GPC5: variants seen among roughly 807,000 people sequenced by gnomAD.
The protein encoded by GPC5 is glypican 5, also known as glypican-5.
A neutral mutation model predicts 53.9 loss-of-function variants in GPC5; 47 were observed. The observed-to-expected ratio is 0.87, with a 90% CI of 0.69 to 1.11. The LOEUF is 1.11. Ranked by LOEUF, GPC5 falls within the 50% of genes most tolerant of loss-of-function variation. The pLI, the probability that GPC5 is intolerant of heterozygous loss-of-function variation, is 0.00. For synonymous variants in GPC5, 286 were observed against 263.3 expected (o/e 1.09, Z -0.84); for missense variants, 748 against 713.1 (o/e 1.05, Z -0.56).
At chr13:92,601,841 G>A (rs1008166265) in intron 7 of GPC5, among the ~76,000 whole-genome samples, 17 of 151,716 alleles carry the variant, frequency 1.1e-4, no homozygotes, top group Middle Eastern at 3.4e-3. Context: ...AAGTGAACAC[G>A]TGGACTTACT....
intron 3 of GPC5, among the ~76,000 whole-genome samples, chr13:91,698,615 G>C (rs113739982): frequency 6.6e-6 from 1 of 152,204 alleles, no homozygotes; most frequent in East Asian, 1.9e-4. Flanking sequence ...ATAAGTACTA[G>C]AGAACAAAAA....
chr13:92,620,318 A>G (rs765034872), intron 7 of GPC5, among the ~76,000 whole-genome samples: 16 of 152,280 alleles, frequency 1.1e-4, no homozygotes, highest in East Asian at 3.9e-4. Flanking sequence ...TAGAGGATCA[A>G]TCCAGGTTGT....
intron 7 of GPC5, among the ~76,000 whole-genome samples, chr13:92,656,020 TAATATACAATGA>T (rs1405557412): frequency 1.3e-5 from 2 of 152,076 alleles, no homozygotes; most frequent in African/African-American, 4.8e-5. Flanking sequence ...AGTATAACTG[TAATATACAATGA>T]AATATACAAT....
At chr13:92,766,179 G>A (rs78928490) in intron 7 of GPC5, among the ~76,000 whole-genome samples, 2 of 152,154 alleles carry the variant, frequency 1.3e-5, no homozygotes, top group East Asian at 3.9e-4. Flanking sequence ...GAGTCTACCT[G>A]CACCAATGCT....
intron 2 of GPC5, among the ~76,000 whole-genome samples, chr13:91,539,649 G>A (rs913104335): frequency 6.6e-6 from 1 of 152,100 alleles, no homozygotes; most frequent in African/African-American, 2.4e-5. Context: ...TAATGTGTCA[G>A]CTGAGAGTGA....
intron 5 of GPC5, among the ~76,000 whole-genome samples, chr13:91,889,945 A>G (rs1253909808): frequency 6.6e-6 from 1 of 152,206 alleles, no homozygotes; most frequent in African/African-American, 2.4e-5. Flanking sequence ...ACAAACAGAG[A>G]GAAATTCTCT....
intron 6 of GPC5, among the ~76,000 whole-genome samples, chr13:92,007,680 A>G (rs2040619590): frequency 2.0e-5 from 3 of 152,110 alleles, no homozygotes; most frequent in Non-Finnish European, 4.4e-5. Context: ...TTGAATCGTT[A>G]GTTTTTAGTG....
Position 91,922,877 on chromosome 13 carries a change from C to A in GPC5, c.1401+14820C>A, listed in dbSNP as rs1019689460. Among the ~76,000 whole-genome samples, 17 of 5,776 alleles carry A rather than the reference C, an allele frequency of 2.9e-3. No homozygotes were observed. In the African/African-American group the frequency reaches 0.035, roughly 12 times the overall value. 3.8% of individuals were successfully genotyped at this position (5,776 alleles called of 152,430 possible). ...GTGTAATTTTTCAGTCTGAATTTGG[C>A]AGATCTTACTCCTAAATGCTCTGGA... On this transcript the variant is annotated intron_variant, in intron 6 of 7. Transcript: ENST00000377067.
At chr13:92,731,652 A>ATCTT (rs1485076309) in intron 7 of GPC5, among the ~76,000 whole-genome samples, 2 of 151,420 alleles carry the variant, frequency 1.3e-5, no homozygotes, top group Non-Finnish European at 3.0e-5. Flanking sequence ...TTGAGAGTAA[A>ATCTT]TCTTACAAGC....
intron 7 of GPC5, among the ~76,000 whole-genome samples, chr13:92,266,488 TAAGAC>T (rs1045305877): frequency 1.7e-4 from 26 of 152,120 alleles, no homozygotes; most frequent in Admixed American, 5.2e-4. Context: ...GCAAAAAAAA[TAAGAC>T]AAAACAGAAA....
intron 7 of GPC5, among the ~76,000 whole-genome samples, chr13:92,311,591 G>A (rs1050008146): frequency 2.0e-5 from 3 of 152,108 alleles, no homozygotes; most frequent in Non-Finnish European, 2.9e-5. Context: ...CATAGCAGGA[G>A]GTAAAGAACA....
At chr13:91,442,172 C>G (rs1029492480) in intron 1 of GPC5, among the ~76,000 whole-genome samples, 1 of 152,188 alleles carries the variant, frequency 6.6e-6, no homozygotes, top group African/African-American at 2.4e-5. Context: ...ACCCTTGTAA[C>G]TACCACCCAG....
At chr13:92,544,429 C>T (rs1393435614) in intron 7 of GPC5, among the ~76,000 whole-genome samples, 13 of 152,010 alleles carry the variant, frequency 8.6e-5, no homozygotes, top group Non-Finnish European at 1.8e-4. Context: ...TTAAATATGC[C>T]CTCTTGCGAG....
intron 5 of GPC5, among the ~76,000 whole-genome samples, chr13:91,759,977 A>G (rs2037375262): frequency 6.6e-6 from 1 of 152,144 alleles, no homozygotes; most frequent in East Asian, 1.9e-4. Flanking sequence ...GTTAATGTGC[A>G]TAAATTTAGG....
At chr13:91,748,914 A>G (rs2037109430) in intron 4 of GPC5, among the ~76,000 whole-genome samples, 1 of 152,064 alleles carries the variant, frequency 6.6e-6, no homozygotes, top group African/African-American at 2.4e-5. Flanking sequence ...CAATGCGTGT[A>G]TAGGTGTGTG....
intron 6 of GPC5, among the ~76,000 whole-genome samples, chr13:91,921,938 T>C (rs1369415585): frequency 1.3e-5 from 2 of 152,108 alleles, no homozygotes; most frequent in Non-Finnish European, 1.5e-5. Flanking sequence ...AGCACTGCAC[T>C]CTAGCCTGGG....
chr13:91,839,780 C>G (rs896446410), intron 5 of GPC5, among the ~76,000 whole-genome samples: 1 of 152,004 alleles, frequency 6.6e-6, no homozygotes, highest in Non-Finnish European at 1.5e-5. Flanking sequence ...AATTATAAGT[C>G]ATGAAAAGAA....
At chr13:92,663,964 T>G (rs1886484300) in intron 7 of GPC5, among the ~76,000 whole-genome samples, 1 of 145,232 alleles carries the variant, frequency 6.9e-6, no homozygotes. Flanking sequence ...CCCAGCTACT[T>G]GGGAGGCTGA....
intron 7 of GPC5, among the ~76,000 whole-genome samples, chr13:92,595,989 C>G (rs1276326643): frequency 1.3e-5 from 2 of 152,024 alleles, no homozygotes; most frequent in African/African-American, 2.4e-5. Context: ...ACTTGTTTGT[C>G]ACTGCTCTTA....
Sources: allele counts gnomAD v4.1 joint callset (sites outside exome capture counted in the v4.1 genomes callset), GRCh38; gene constraint gnomAD v4.1.1; transcripts MANE v1.5; gene names NCBI Gene and HGNC (gene_info 2026-07-23, HGNC 2026-07-21).